SNTG1: variants seen among roughly 807,000 people sequenced by gnomAD.
The protein encoded by SNTG1 is syntrophin gamma 1.
SNTG1 carries 39 observed loss-of-function variants against 74.7 expected under a neutral mutation model. That is an observed-to-expected ratio of 0.52 (90% CI 0.40 to 0.68). SNTG1 has a LOEUF of 0.68. Ranked by LOEUF, SNTG1 falls within the 30% of genes least tolerant of loss-of-function variation. SNTG1 has a pLI of 0.00. For synonymous variants in SNTG1, 254 were observed against 217.1 expected (o/e 1.17, Z -1.49); for missense variants, 685 against 609.5 (o/e 1.12, Z -1.30).
At chr8:49,993,167 C>T (rs1185274122) in intron 1 of SNTG1, among the ~76,000 whole-genome samples, 2 of 152,048 alleles carry the variant, frequency 1.3e-5, no homozygotes, top group Non-Finnish European at 2.9e-5. Flanking sequence ...TAAGACTTTT[C>T]TCTGGGCTTA....
chr8:50,384,331 T>C (rs896879913), intron 2 of SNTG1, among the ~76,000 whole-genome samples: 10 of 152,206 alleles, frequency 6.6e-5, no homozygotes, highest in Non-Finnish European at 1.2e-4. Context: ...AGTGCCTTGA[T>C]CAGAAGAAAT....
chr8:50,672,911 C>A (rs2131353792), intron 15 of SNTG1, among the ~76,000 whole-genome samples: 1 of 152,306 alleles, frequency 6.6e-6, no homozygotes, highest in South Asian at 2.1e-4. Context: ...AAATGGCTCA[C>A]CAGTTTTCCC....
chr8:50,673,972 A>G (rs78566981), intron 15 of SNTG1, among the ~76,000 whole-genome samples: 2,304 of 151,754 alleles, frequency 0.015, 49 homozygotes, highest in African/African-American at 0.052. Context: ...AATGTGATGA[A>G]CACATTTATT....
intron 2 of SNTG1, among the ~76,000 whole-genome samples, chr8:50,364,898 A>T (rs1211570626): frequency 6.6e-6 from 1 of 152,080 alleles, no homozygotes; most frequent in Non-Finnish European, 1.5e-5. Context: ...AGTTTAAAAT[A>T]ATATAATTTT....
At chr8:50,534,232 G>A (rs188123723) in intron 10 of SNTG1, among the ~76,000 whole-genome samples, 3 of 152,216 alleles carry the variant, frequency 2.0e-5, no homozygotes, top group South Asian at 2.1e-4. Flanking sequence ...CCCTTTGCTG[G>A]CTGGGTGACT....
At chr8:50,147,462 A>G (rs888945574) in intron 1 of SNTG1, among the ~76,000 whole-genome samples, 3 of 152,206 alleles carry the variant, frequency 2.0e-5, no homozygotes, top group Admixed American at 6.5e-5. Context: ...CTTGTTTTTT[A>G]CAGAAATGGA....
At chr8:49,915,703 C>G (rs1173688515) in intron 1 of SNTG1, among the ~76,000 whole-genome samples, 1 of 152,108 alleles carries the variant, frequency 6.6e-6, no homozygotes, top group Non-Finnish European at 1.5e-5. Context: ...GATAAGGAAA[C>G]TCATACGATG....
chr8:49,955,970 T>C (rs1221478613), intron 1 of SNTG1, among the ~76,000 whole-genome samples: 1 of 152,228 alleles, frequency 6.6e-6, no homozygotes, highest in African/African-American at 2.4e-5. Flanking sequence ...GCCATGTTTC[T>C]TCTGCTTTCT....
intron 18 of SNTG1, among the ~76,000 whole-genome samples, chr8:50,762,955 C>A (rs558970114): frequency 8.6e-5 from 13 of 152,002 alleles, no homozygotes; most frequent in Admixed American, 7.2e-4. Context: ...TGGTCAAGAT[C>A]CTGGAAGTAA....
intron 5 of SNTG1, among the ~76,000 whole-genome samples, chr8:50,447,669 C>T (rs565213908): frequency 6.6e-6 from 1 of 152,200 alleles, no homozygotes; most frequent in East Asian, 1.9e-4. Flanking sequence ...TACATCGATG[C>T]ACAAAACAAA....
chr8:50,296,718 A>G (rs1370962779), intron 2 of SNTG1, among the ~76,000 whole-genome samples: 1 of 152,186 alleles, frequency 6.6e-6, no homozygotes, highest in Non-Finnish European at 1.5e-5. Flanking sequence ...ACCATGGCAC[A>G]TGTAAACCTA....
chr8:49,929,562 G>C (rs1248779974), intron 1 of SNTG1, among the ~76,000 whole-genome samples: 1 of 152,150 alleles, frequency 6.6e-6, no homozygotes, highest in African/African-American at 2.4e-5. Flanking sequence ...AGGCCGGAAG[G>C]ACGCACCTGG....
Position 50,250,272 on chromosome 8 carries a change from T to A in SNTG1, c.-28+77637T>A, listed in dbSNP as rs971914877. On this transcript the variant is annotated intron_variant, in intron 2 of 18. Transcript: ENST00000642720. ...TTGAAATAACCCTATCAGAAAAAAATTTAAAAAAAGGAAAGAAGAATGAAA... is the reference window on the plus strand; with the variant it reads ...TTGAAATAACCCTATCAGAAAAAAAATTAAAAAAAGGAAAGAAGAATGAAA... Among the ~76,000 whole-genome samples, 23 of 150,032 alleles carry A rather than the reference T, an allele frequency of 1.5e-4. 1 individual carries two copies. Among genetic ancestry groups the A allele is most frequent in the Admixed American group, 1.4e-3 (21 of 15,066 alleles).
chr8:50,322,546 C>T (rs1393760949), intron 2 of SNTG1, among the ~76,000 whole-genome samples: 1 of 152,072 alleles, frequency 6.6e-6, no homozygotes, highest in Non-Finnish European at 1.5e-5. Flanking sequence ...GTTCTATAAT[C>T]TTCTTGTATT....
chr8:50,628,685 T>C (rs1016309448), intron 13 of SNTG1, among the ~76,000 whole-genome samples: 3 of 152,222 alleles, frequency 2.0e-5, no homozygotes, highest in Admixed American at 1.3e-4. Context: ...GAATAAGCTA[T>C]ATTTCTTTTC....
intron 17 of SNTG1, among the ~76,000 whole-genome samples, chr8:50,724,906 A>C (rs2095496366): frequency 6.6e-6 from 1 of 152,160 alleles, no homozygotes; most frequent in Non-Finnish European, 1.5e-5. Flanking sequence ...TTTATTCTAC[A>C]AATGGGATGG....
chr8:50,500,970 G>C (rs1375364153), intron 8 of SNTG1, among the ~76,000 whole-genome samples: 1 of 152,104 alleles, frequency 6.6e-6, no homozygotes, highest in South Asian at 2.1e-4. Context: ...ATAGTCTCAG[G>C]ACCTTGACAA....
rs1454972419 is a variant in SNTG1, at chr8:50,450,539, T to C, written c.278-17T>C. 2 of 1,613,080 alleles carry C rather than the reference T, an allele frequency of 1.2e-6. No individual in the cohort carries two copies. The highest frequency in any genetic ancestry group is 3.3e-5 in the Admixed American group (2 of 60,018). ...AAAACAGTCAATGCATTATCAATTG[T>C]GCTTTTTCATTCACAGCGGAACTTT... On this transcript the variant is annotated splice_polypyrimidine_tract_variant and intron_variant, in intron 6 of 18. Transcript: ENST00000642720.
chr8:50,464,627 A>G (rs991597707), intron 8 of SNTG1, among the ~76,000 whole-genome samples: 7 of 151,932 alleles, frequency 4.6e-5, no homozygotes, highest in Non-Finnish European at 8.8e-5. Flanking sequence ...AAGATCACCG[A>G]TCATCAAGAG....
Sources: allele counts gnomAD v4.1 joint callset (sites outside exome capture counted in the v4.1 genomes callset), GRCh38; gene constraint gnomAD v4.1.1; transcripts MANE v1.5; gene names NCBI Gene and HGNC (gene_info 2026-07-23, HGNC 2026-07-21).